The following CCDC178 variants were observed in gnomAD, a reference collection of about 807,000 sequenced individuals.
The protein encoded by CCDC178 is coiled-coil domain containing 178.
CCDC178 carries 126 observed loss-of-function variants against 117.4 expected under a neutral mutation model. The ratio of observed to expected loss-of-function variants is 1.07; its 90% CI spans 0.93 to 1.24. The LOEUF (loss-of-function observed/expected upper bound fraction) is 1.24. Among genes scored for constraint, CCDC178 ranks in the 50% most tolerant of loss-of-function variants. The pLI is 0.00. For synonymous variants in CCDC178, 283 were observed against 313.4 expected (o/e 0.90, Z 1.02); for missense variants, 1,030 against 986.9 (o/e 1.04, Z -0.59).
rs191469418 is a variant in CCDC178, at chr18:33,111,766, C to T, written c.2239-18856G>A. On this transcript the variant is annotated intron_variant, in intron 20 of 22. Coordinates refer to ENST00000383096, the MANE Select transcript of CCDC178 (RefSeq NM_001105528.4). ...TTCATGAGAATAATAAAATCTGCTC[C>T]GTCTGCCTAACATGGTGATTATAAA... Among the ~76,000 whole-genome samples the T allele has an allele frequency of 3.7e-3, 563 of 151,612 alleles. 8 individuals carry two copies. Among genetic ancestry groups the T allele is most frequent in the African/African-American group, 0.013 (544 of 41,414 alleles).
intron 20 of CCDC178, among the ~76,000 whole-genome samples, chr18:33,205,794 A>T (rs1316489436): frequency 6.6e-6 from 1 of 152,208 alleles, no homozygotes; most frequent in Non-Finnish European, 1.5e-5. Context: ...TCCCGGGCTC[A>T]GGTGATCCTC....
At chr18:33,415,780 G>A (rs1047817693) in intron 2 of CCDC178, among the ~76,000 whole-genome samples, 1 of 152,088 alleles carries the variant, frequency 6.6e-6, no homozygotes, top group Non-Finnish European at 1.5e-5. Flanking sequence ...AGATGGAATA[G>A]ATATACACTT....
chr18:33,217,053 C>A (rs895718659), intron 18 of CCDC178, among the ~76,000 whole-genome samples: 1 of 152,038 alleles, frequency 6.6e-6, no homozygotes, highest in Non-Finnish European at 1.5e-5. Context: ...TATCTTTTAG[C>A]ACACTGTAAA....
intron 21 of CCDC178, among the ~76,000 whole-genome samples, chr18:32,986,796 G>A (rs1340206680): frequency 6.6e-6 from 1 of 151,834 alleles, no homozygotes; most frequent in Non-Finnish European, 1.5e-5. Flanking sequence ...AAAGAATCAT[G>A]GAAACTAAAA....
At chr18:33,123,250 A>G (rs2057961118) in intron 20 of CCDC178, among the ~76,000 whole-genome samples, 1 of 152,154 alleles carries the variant, frequency 6.6e-6, no homozygotes, top group African/African-American at 2.4e-5. Flanking sequence ...ATTCATTCTT[A>G]CAACAATCCT....
At chr18:33,130,336 T>G (rs2058055777) in intron 20 of CCDC178, among the ~76,000 whole-genome samples, 1 of 152,064 alleles carries the variant, frequency 6.6e-6, no homozygotes, top group Non-Finnish European at 1.5e-5. Context: ...AGATTTTTCT[T>G]ATAAGCAAAC....
chr18:33,138,769 C>T (rs1463363411), intron 20 of CCDC178, among the ~76,000 whole-genome samples: 5 of 152,018 alleles, frequency 3.3e-5, no homozygotes, highest in African/African-American at 4.8e-5. Context: ...ATCATTTAAA[C>T]CCAGTTTTGT....
intron 6 of CCDC178, among the ~76,000 whole-genome samples, chr18:33,362,889 T>TA (rs140607648): frequency 6.6e-6 from 1 of 152,096 alleles, no homozygotes; most frequent in East Asian, 1.9e-4. Context: ...GTTGCTCACT[T>TA]AAAAATGGTT....
intron 11 of CCDC178, among the ~76,000 whole-genome samples, chr18:33,304,790 C>G (rs1376694877): frequency 6.6e-6 from 1 of 152,154 alleles, no homozygotes; most frequent in Admixed American, 6.5e-5. Context: ...GACCCTCTCA[C>G]CAGCACCATG....
intron 9 of CCDC178, among the ~76,000 whole-genome samples, chr18:33,340,910 A>G (rs1430994299): frequency 2.0e-5 from 3 of 152,194 alleles, no homozygotes; most frequent in Non-Finnish European, 4.4e-5. Context: ...GGAGCCCCCA[A>G]CAGAGTCCCT....
intron 11 of CCDC178, among the ~76,000 whole-genome samples, chr18:33,319,271 G>A (rs138590426): frequency 1.3e-4 from 20 of 151,598 alleles, no homozygotes; most frequent in Non-Finnish European, 2.8e-4. Flanking sequence ...AATTCCCACC[G>A]ATGAGTGAGA....
At chr18:33,434,684 A>G (rs1265314939) in intron 2 of CCDC178, among the ~76,000 whole-genome samples, 5 of 152,074 alleles carry the variant, frequency 3.3e-5, no homozygotes, top group African/African-American at 4.8e-5. Context: ...GAAAGGAGAT[A>G]ATGAAAACTA....
intron 20 of CCDC178, among the ~76,000 whole-genome samples, chr18:33,149,231 A>G (rs1049963452): frequency 6.6e-6 from 1 of 152,192 alleles, no homozygotes; most frequent in African/African-American, 2.4e-5. Flanking sequence ...ATGGTTAAAT[A>G]CTAACTGACT....
intron 15 of CCDC178, among the ~76,000 whole-genome samples, chr18:33,242,071 T>C (rs1473026799): frequency 2.0e-5 from 3 of 151,884 alleles, no homozygotes; most frequent in Non-Finnish European, 2.9e-5. Flanking sequence ...AACAGTCACA[T>C]AGACCAGTTA....
chr18:33,430,103 T>C (rs1310139355), intron 2 of CCDC178, among the ~76,000 whole-genome samples: 2 of 152,038 alleles, frequency 1.3e-5, no homozygotes, highest in East Asian at 1.9e-4. Flanking sequence ...CAAAGAGTTA[T>C]CTACAAAAAA....
chr18:33,003,261 C>A (rs2055679262), intron 21 of CCDC178, among the ~76,000 whole-genome samples: 1 of 151,976 alleles, frequency 6.6e-6, no homozygotes, highest in Non-Finnish European at 1.5e-5. Flanking sequence ...ATATCACTGA[C>A]AAACATTAAT....
chr18:33,302,129 CCTCT>C (rs1249674298), intron 11 of CCDC178, among the ~76,000 whole-genome samples: 1 of 152,002 alleles, frequency 6.6e-6, no homozygotes, highest in Non-Finnish European at 1.5e-5. Flanking sequence ...ACACCTCCTC[CCTCT>C]CTCTCTTGCT....
intron 10 of CCDC178, among the ~76,000 whole-genome samples, chr18:33,323,955 G>T (rs987147884): frequency 1.3e-5 from 2 of 151,446 alleles, no homozygotes; most frequent in African/African-American, 4.8e-5. Context: ...ATGAAATATC[G>T]CAAACAAAGT....
intron 21 of CCDC178, among the ~76,000 whole-genome samples, chr18:33,017,299 T>C (rs1157808272): frequency 6.6e-6 from 1 of 151,908 alleles, no homozygotes; most frequent in Non-Finnish European, 1.5e-5. Flanking sequence ...TTATGTTCTA[T>C]ACACTATCAA....
Sources: gnomAD v4.1 joint callset for allele counts (sites outside exome capture counted in the v4.1 genomes callset) on GRCh38, gnomAD v4.1.1 for gene constraint, MANE v1.5 for transcripts, NCBI Gene and HGNC (gene_info 2026-07-23, HGNC 2026-07-21) for gene names.